The following MALT1 variants were observed in gnomAD, a reference collection of about 807,000 sequenced individuals.
MALT1 encodes mucosa-associated lymphoid tissue lymphoma translocation protein 1.
Under a neutral mutation model 85.5 loss-of-function variants are expected in MALT1, and 36 were observed. That is an observed-to-expected ratio of 0.42 (90% CI 0.32 to 0.56). MALT1 has a LOEUF of 0.56. MALT1 is among the 20% of genes least tolerant of loss of function. The pLI, the probability that MALT1 is intolerant of heterozygous loss-of-function variation, is 0.10. For missense variants in MALT1, 716 were observed against 981.6 expected, an observed-to-expected ratio of 0.73 and a Z score of 3.62; for synonymous variants, 359 against 361.3, an observed-to-expected ratio of 0.99 and a Z score of 0.07.
At position 58,710,065 on chromosome 18, in the gene MALT1, C is replaced by T; in HGVS notation, c.918C>T (p.Ile306=). Residue 306 remains isoleucine (I), a synonymous_variant, in exon 6 of 17, where the codon ATC becomes ATT. Coordinates refer to ENST00000649217, the MANE Select transcript of MALT1 (RefSeq NM_006785.4). The part of the protein sequence containing the change: ...RDSQDSKKVE[I]IIGRTDEAVE... The stretch of plus-strand genomic sequence containing the variant: ...GTCAAGATAGCAAGAAGGTAGAAAT[C>T]ATCATAGGTAAGAAGTATTTCCCCA... 6.3e-7 allele frequency: 1 copy of T among 1,598,846 alleles called. No homozygotes were observed. The highest frequency in any genetic ancestry group is 8.6e-7 in the Non-Finnish European group (1 of 1,166,814).
intron 9 of MALT1, among the ~76,000 whole-genome samples, chr18:58,720,148 T>C (rs1245903463): frequency 6.6e-6 from 1 of 152,210 alleles, no homozygotes; most frequent in Non-Finnish European, 1.5e-5. Flanking sequence ...CAATAAATTG[T>C]TTGTGTTCAA....
rs1484829022 is a variant in MALT1 at position 58,732,920 on chromosome 18, A to AT, written c.1223-474dup. ...CTGTTGGTAATTTATTTATTTATTTATTTATTTTGAGACAGAGTTTTGCTC... is the reference window on the plus strand; with the variant it reads ...CTGTTGGTAATTTATTTATTTATTTATTTTATTTTGAGACAGAGTTTTGCTC... On this transcript the variant is annotated intron_variant, in intron 10 of 16. Transcript: ENST00000649217. Among the ~76,000 whole-genome samples, 1,090 of 148,144 alleles carry AT rather than the reference A, an allele frequency of 7.4e-3. 6 individuals carry two copies. Among genetic ancestry groups the AT allele is most frequent in the Middle Eastern group, 0.014 (4 of 282 alleles).
chr18:58,688,326 ACG>A (rs140034335), intron 2 of MALT1, among the ~76,000 whole-genome samples: 27,252 of 134,692 alleles, frequency 0.2, 2,554 homozygotes, highest in Middle Eastern at 0.32. Flanking sequence ...ACACACACAC[ACG>A]CTTATTAATA....
chr18:58,672,914 T>C (rs1327089771), intron 1 of MALT1: 2 of 152,222 alleles, frequency 1.3e-5, no homozygotes, highest in African/African-American at 2.4e-5. Context: ...ATGAAAAATC[T>C]TTATGACCTT....
intron 1 of MALT1, among the ~76,000 whole-genome samples, chr18:58,677,046 A>G (rs1383003902): frequency 2.6e-5 from 4 of 152,200 alleles, no homozygotes; most frequent in African/African-American, 4.8e-5. Flanking sequence ...TTTAAATTAA[A>G]TCAAAAATTC....
chr18:58,734,516 T>C (rs76624756), intron 12 of MALT1, 135 bp downstream of exon 12: 1 of 669,004 alleles, frequency 1.5e-6, no homozygotes, highest in East Asian at 2.7e-5. Flanking sequence ...TCACTGCTCC[T>C]GGGCTCAAGC....
intron 7 of MALT1, among the ~76,000 whole-genome samples, chr18:58,712,062 T>C (rs2054838745): frequency 6.6e-6 from 1 of 152,210 alleles, no homozygotes; most frequent in Non-Finnish European, 1.5e-5. Flanking sequence ...ATGTGAATTA[T>C]CACCTTGCTG....
intron 13 of MALT1, 189 bp from the exon 14 acceptor site, chr18:58,741,676 T>TA (rs754807177): frequency 1.7e-5 from 7 of 413,268 alleles, no homozygotes; most frequent in African/African-American, 1.2e-4. Flanking sequence ...TATGAACACT[T>TA]ACACACATGA....
chr18:58,693,163 A>G (rs1171106208), intron 2 of MALT1, among the ~76,000 whole-genome samples: 1 of 152,200 alleles, frequency 6.6e-6, no homozygotes, highest in Non-Finnish European at 1.5e-5. Context: ...CATGGTGTCT[A>G]TAATCCCACC....
At chr18:58,741,162 G>A (rs1332295093) in intron 13 of MALT1, among the ~76,000 whole-genome samples, 4 of 152,032 alleles carry the variant, frequency 2.6e-5, no homozygotes, top group Admixed American at 2.0e-4. Flanking sequence ...GTAGCTTTTG[G>A]AGGCACCATA....
At position 58,742,024 on chromosome 18, in the gene MALT1, A is replaced by C. The variant is rs759478135; in HGVS notation, c.1753+10A>C. On this transcript the variant is annotated intron_variant, in intron 14 of 16. Transcript: ENST00000649217. ...TGGGCCAAGGCTCATGGTACGGTAA[A>C]GCCCATTTTTTGTTAGATCTACAAT... 28 of 1,478,978 alleles carry C rather than the reference A, an allele frequency of 1.9e-5. 1 individual carries two copies. The South Asian group carries it at 3.0e-4, about 16-fold the overall frequency. The allele number at this position is 1,478,978 out of a possible 1,614,324, so 91.6% of individuals were successfully genotyped here. A position where few individuals can be genotyped will look rare whatever the true frequency, so the allele number is the denominator to read the frequency against.
chr18:58,713,248 A>C (rs2054856196), intron 7 of MALT1, among the ~76,000 whole-genome samples: 1 of 152,196 alleles, frequency 6.6e-6, no homozygotes. Flanking sequence ...TTTTATCTTC[A>C]TAAAACTTGA....
At chr18:58,704,165 TA>T (rs1369477733) in intron 4 of MALT1, among the ~76,000 whole-genome samples, 1 of 152,228 alleles carries the variant, frequency 6.6e-6, no homozygotes, top group East Asian at 1.9e-4. Context: ...TTTCTGGACA[TA>T]TGTTTTATTT....
At chr18:58,673,151 G>A (rs1462790839) in intron 1 of MALT1, among the ~76,000 whole-genome samples, 2 of 151,710 alleles carry the variant, frequency 1.3e-5, no homozygotes, top group South Asian at 2.1e-4. Flanking sequence ...TATGTATAGA[G>A]GTTAGTAAAT....
rs774110423 is a variant in MALT1 at position 58,742,008 on chromosome 18, G to T, written c.1747G>T (p.Ala583Ser). The change falls in exon 14 of 17, where the codon GCT becomes TCT. Residue 583 changes from alanine to serine, a missense_variant. Physicochemically the swap from Ala to Ser is moderately conservative, Grantham distance 99. This residue lies in a region of MALT1 where 260 missense variants were observed against 323.7 expected (regional missense o/e 0.80). Transcript: ENST00000649217. ...SLVRNLQWAK[A>S]HELPESMCLK... Reference sequence around the variant, plus strand: ...TGTGCGGAATCTACAGTGGGCCAAGGCTCATGGTACGGTAAAGCCCATTTT... The same window carrying T: ...TGTGCGGAATCTACAGTGGGCCAAGTCTCATGGTACGGTAAAGCCCATTTT... 1 of 1,522,580 alleles carries T rather than the reference G, an allele frequency of 6.6e-7. No individual in the cohort carries two copies. 94.3% of individuals were successfully genotyped at this position (1,522,580 alleles called of 1,614,324 possible).
At chr18:58,696,337 A>ATTTTTTT in intron 2 of MALT1, 29 bp from the exon 3 acceptor site, 25 of 990,718 alleles carry the variant, frequency 2.5e-5, no homozygotes, top group African/African-American at 4.4e-5. Context: ...TGTGACTTTA[A>ATTTTTTT]TTTTTTTTTT....
In MALT1 at chr18:58,741,868, TG is replaced by T; in HGVS notation, c.1610del (p.Gly537ValfsTer12). On this transcript the variant is annotated frameshift_variant, in exon 14 of 17. Coordinates refer to ENST00000649217, the MANE Select transcript of MALT1 (RefSeq NM_006785.4). LOFTEE classifies it high-confidence loss of function. ...TATTTATTTTCATATCTTTTAGATA[TG>T]GGTAAGTGTCACCTTACCAAAGGCA... ...TVLLDEVAED[M>X]GKCHLTKGKQ... 6.8e-7 allele frequency: 1 copy of T among 1,480,558 alleles called. No homozygotes were observed. Among genetic ancestry groups the T allele is most frequent in the Non-Finnish European group, 9.1e-7 (1 of 1,094,944 alleles). 91.7% of individuals were successfully genotyped at this position (1,480,558 alleles called of 1,614,324 possible).
chr18:58,702,896 T>C (rs1476677213), intron 4 of MALT1, among the ~76,000 whole-genome samples: 1 of 152,188 alleles, frequency 6.6e-6, no homozygotes. Context: ...CAGATATTAT[T>C]TTGTTTATTT....
intron 7 of MALT1, among the ~76,000 whole-genome samples, chr18:58,711,413 A>G (rs1380547533): frequency 6.6e-6 from 1 of 152,182 alleles, no homozygotes; most frequent in East Asian, 1.9e-4. Context: ...ATTGTTTAAC[A>G]TATGTTCTAT....
Sources: gnomAD v4.1 joint callset for allele counts (sites outside exome capture counted in the v4.1 genomes callset) on GRCh38, gnomAD v4.1.1 for gene constraint, gnomAD v4.1.1 regional missense constraint, MANE v1.5 for transcripts, NCBI Gene and HGNC (gene_info 2026-07-23, HGNC 2026-07-21) for gene names.